AAK1: variants seen among roughly 807,000 people sequenced by gnomAD.
AAK1 encodes the protein AP2-associated protein kinase 1.
A neutral mutation model predicts 116.0 loss-of-function variants in AAK1; 37 were observed. The ratio of observed to expected loss-of-function variants is 0.32; its 90% CI spans 0.25 to 0.42. The LOEUF (loss-of-function observed/expected upper bound fraction) is 0.42. Among genes scored for constraint, AAK1 ranks in the 10% least tolerant of loss-of-function variants. The pLI is 1.00. For missense variants in AAK1, 919 were observed against 1,170.6 expected (o/e 0.79, Z 3.14); for synonymous variants, 458 against 439.9 (o/e 1.04, Z -0.51).
At chr2:69,531,742 A>G (rs1459050210) in intron 6 of AAK1, 1 of 1,116,996 alleles carries the variant, frequency 9.0e-7, no homozygotes, top group African/African-American at 1.6e-5. Context: ...CGGTGTGTGC[A>G]CCTCTCAGCT....
At chr2:69,573,590 G>C (rs1394632038) in intron 2 of AAK1, among the ~76,000 whole-genome samples, 1 of 152,200 alleles carries the variant, frequency 6.6e-6, no homozygotes, top group African/African-American at 2.4e-5. Context: ...GCGTGTGCCT[G>C]GAAAGCAATG....
intron 2 of AAK1, among the ~76,000 whole-genome samples, chr2:69,560,312 G>A (rs866187097): frequency 2.0e-5 from 3 of 152,350 alleles, no homozygotes; most frequent in Middle Eastern, 3.4e-3. Context: ...GAGATTCTCA[G>A]CCAGAGCTTA....
chr2:69,513,765 G>T (rs2104980011), intron 13 of AAK1, among the ~76,000 whole-genome samples: 1 of 152,260 alleles, frequency 6.6e-6, no homozygotes, highest in East Asian at 1.9e-4. Flanking sequence ...CTATCACTCA[G>T]AAAAATAAGA....
chr2:69,494,681 A>AACTT (rs1675670585), intron 17 of AAK1, among the ~76,000 whole-genome samples: 1 of 152,146 alleles, frequency 6.6e-6, no homozygotes, highest in Non-Finnish European at 1.5e-5. Flanking sequence ...AAGTACTGCC[A>AACTT]GGCATACCTG....
intron 2 of AAK1, among the ~76,000 whole-genome samples, chr2:69,587,810 C>T (rs1304940901): frequency 6.6e-6 from 1 of 152,018 alleles, no homozygotes; most frequent in Non-Finnish European, 1.5e-5. Context: ...CAGAGTTTTA[C>T]TATGTTGCTC....
At chr2:69,551,677 T>C (rs1353123960) in intron 3 of AAK1, among the ~76,000 whole-genome samples, 3 of 152,200 alleles carry the variant, frequency 2.0e-5, no homozygotes, top group Non-Finnish European at 4.4e-5. Flanking sequence ...CTATCACTGT[T>C]CTTACCCCTT....
At chr2:69,549,861 C>T (rs1160780919) in intron 3 of AAK1, among the ~76,000 whole-genome samples, 7 of 152,122 alleles carry the variant, frequency 4.6e-5, no homozygotes, top group Admixed American at 4.6e-4. Flanking sequence ...TTATAAGAAC[C>T]ATTTTGGAGC....
chr2:69,588,543 C>G (rs1429557069), intron 2 of AAK1, among the ~76,000 whole-genome samples: 1 of 152,196 alleles, frequency 6.6e-6, no homozygotes, highest in East Asian at 1.9e-4. Flanking sequence ...TCCAGAAATC[C>G]TGCCCTCCAA....
chr2:69,523,738 T>C (rs1669891632), intron 10 of AAK1, among the ~76,000 whole-genome samples: 1 of 152,232 alleles, frequency 6.6e-6, no homozygotes, highest in East Asian at 1.9e-4. Context: ...AGCACTGCTG[T>C]GTGTTTGCCC....
intron 2 of AAK1, among the ~76,000 whole-genome samples, chr2:69,586,272 C>T (rs759241815): frequency 9.9e-5 from 15 of 152,110 alleles, no homozygotes; most frequent in Admixed American, 3.3e-4. Context: ...CAACTGAAAA[C>T]CTGTGGGCCT....
intron 6 of AAK1, chr2:69,531,761 G>T: frequency 1.7e-6 from 2 of 1,146,522 alleles, no homozygotes; most frequent in South Asian, 2.4e-5. Flanking sequence ...CTTTTTATAG[G>T]CTCTGTGACA....
chr2:69,609,019 T>C (rs1241217252), intron 2 of AAK1, among the ~76,000 whole-genome samples: 2 of 152,218 alleles, frequency 1.3e-5, no homozygotes, highest in African/African-American at 4.8e-5. Flanking sequence ...GGAAGACTTG[T>C]TGTTAGGATG....
At position 69,476,861 on chromosome 2, in the gene AAK1, T is replaced by C; in HGVS notation, c.2791+19A>G. ...GAACTGAGGCCAAGCTCTTCTCTTT[T>C]CCCCATCCTTTTTCTTACCTTGTGG... is the stretch of plus-strand genomic sequence containing the variant. On this transcript the variant is annotated intron_variant, in intron 21 of 21. Transcript: ENST00000409085. 2.5e-6 allele frequency: 4 copies of C among 1,586,418 alleles called. No individual in the cohort carries two copies. The highest frequency in any genetic ancestry group is 3.5e-6 in the Non-Finnish European group (4 of 1,156,874).
chr2:69,500,565 G>T (rs934758692), intron 16 of AAK1, among the ~76,000 whole-genome samples: 1 of 151,122 alleles, frequency 6.6e-6, no homozygotes, highest in Admixed American at 6.6e-5. Flanking sequence ...CTTACCCAGT[G>T]GGTTTAACAT....
At chr2:69,524,967 AC>A in intron 10 of AAK1, 65 bp downstream of exon 10, 2 of 1,449,582 alleles carry the variant, frequency 1.4e-6, no homozygotes, top group Non-Finnish European at 1.9e-6. Flanking sequence ...ATCAAGAAAC[AC>A]AGGCATCATT....
chr2:69,639,243 A>G (rs996501909), intron 2 of AAK1, among the ~76,000 whole-genome samples: 1 of 152,214 alleles, frequency 6.6e-6, no homozygotes, highest in African/African-American at 2.4e-5. Flanking sequence ...GCTTAGATAT[A>G]AGTCCTCGTA....
At chr2:69,491,224 C>A (rs1675509684) in intron 17 of AAK1, among the ~76,000 whole-genome samples, 1 of 152,206 alleles carries the variant, frequency 6.6e-6, no homozygotes, top group South Asian at 2.1e-4. Context: ...AGATTATAGG[C>A]ATGAGCCTGG....
intron 2 of AAK1, among the ~76,000 whole-genome samples, chr2:69,605,340 C>T (rs935334898): frequency 5.3e-5 from 8 of 152,202 alleles, no homozygotes; most frequent in African/African-American, 1.9e-4. Context: ...TACATGGTAT[C>T]CGAACATAGC....
At chr2:69,539,506 C>T (rs13014068) in intron 5 of AAK1, among the ~76,000 whole-genome samples, 1 of 152,228 alleles carries the variant, frequency 6.6e-6, no homozygotes, top group Non-Finnish European at 1.5e-5. Context: ...CTCTCACACT[C>T]TTCTCCAAGG....
Sources: gnomAD v4.1 joint callset for allele counts (sites outside exome capture counted in the v4.1 genomes callset) on GRCh38, gnomAD v4.1.1 for gene constraint, MANE v1.5 for transcripts, NCBI Gene and HGNC (gene_info 2026-07-23, HGNC 2026-07-21) for gene names.